NHERF4: variants seen among roughly 807,000 people sequenced by gnomAD.
NHERF4 encodes the protein NHERF family PDZ scaffold protein 4.
At chr11:119,190,051 GA>G in the NHERF4 span, 1 of 477,452 alleles carries the variant, frequency 2.1e-6, no homozygotes, top group African/African-American at 1.9e-5. This position sits in a 1 kb window ranked among gnomAD's most constrained non-coding sequence, Gnocchi z 4.2. Flanking sequence ...CTGCAGGAGA[GA>G]GGTTGAGACC....
At chr11:119,189,048 G>A in the NHERF4 span, 1 of 1,614,152 alleles carries the variant, frequency 6.2e-7, no homozygotes, top group Non-Finnish European at 8.5e-7. This position sits in a 1 kb window ranked among gnomAD's most constrained non-coding sequence, Gnocchi z 5.8. Flanking sequence ...CTGCAAGTGG[G>A]AGACGTGATT....
chr11:119,189,816 A>C, the NHERF4 span: 1 of 431,286 alleles, frequency 2.3e-6, no homozygotes, highest in East Asian at 4.2e-5. This position sits in a 1 kb window ranked among gnomAD's most constrained non-coding sequence, Gnocchi z 5.8. Context: ...TCTAGATATG[A>C]CTCCAGGACC....
the NHERF4 span, chr11:119,186,636 A>G: frequency 1.2e-6 from 2 of 1,612,894 alleles, no homozygotes; most frequent in Non-Finnish European, 1.7e-6. This position sits in a 1 kb window ranked among gnomAD's most constrained non-coding sequence, Gnocchi z 4.4. Flanking sequence ...TTCAGGAAGG[A>G]GACAGGATCC....
At chr11:119,187,517 G>T in the NHERF4 span, 1 of 1,613,184 alleles carries the variant, frequency 6.2e-7, no homozygotes. Context: ...CCCTGTTCAG[G>T]GCAGGCAGGA....
At chr11:119,189,763 T>C in the NHERF4 span, 4 of 540,436 alleles carry the variant, frequency 7.4e-6, no homozygotes, top group Non-Finnish European at 1.3e-5. The surrounding 1 kb of genome is among the most constrained non-coding windows in gnomAD (Gnocchi z 5.8). Context: ...AGGATGAAGG[T>C]GTGGCTGTGG....
the NHERF4 span, chr11:119,189,929 GA>G: frequency 3.0e-6 from 1 of 335,076 alleles, no homozygotes; most frequent in Admixed American, 4.3e-5. The surrounding 1 kb of genome is among the most constrained non-coding windows in gnomAD (Gnocchi z 5.8). Context: ...ATTTGTTATA[GA>G]AATGGCCATT....
chr11:119,189,877 G>A, the NHERF4 span: 1 of 349,804 alleles, frequency 2.9e-6, no homozygotes, highest in Non-Finnish European at 5.3e-6. This position sits in a 1 kb window ranked among gnomAD's most constrained non-coding sequence, Gnocchi z 5.8. Flanking sequence ...CCCTCTGTGG[G>A]TGCCTTAGCA....
the NHERF4 span, chr11:119,186,256 G>A: frequency 1.5e-5 from 24 of 1,613,312 alleles, no homozygotes; most frequent in Admixed American, 1.5e-4. This position sits in a 1 kb window ranked among gnomAD's most constrained non-coding sequence, Gnocchi z 4.4. Flanking sequence ...CCACTCACTC[G>A]GTCTCCCTCT....
chr11:119,187,982 C>A, the NHERF4 span: 1 of 1,574,878 alleles, frequency 6.3e-7, no homozygotes, highest in South Asian at 1.2e-5. Flanking sequence ...GGTGGCAGGG[C>A]CAGAGGTGGA....
chr11:119,186,248 A>C, the NHERF4 span: 1 of 1,613,292 alleles, frequency 6.2e-7, no homozygotes, highest in Non-Finnish European at 8.5e-7. This position sits in a 1 kb window ranked among gnomAD's most constrained non-coding sequence, Gnocchi z 4.4. Context: ...CTTGGTAACC[A>C]CTCACTCGGT....
chr11:119,187,850 C>T, the NHERF4 span: 20 of 1,467,200 alleles, frequency 1.4e-5, no homozygotes, highest in South Asian at 2.8e-4. Flanking sequence ...CCAGGCTCCA[C>T]TTAGTGCCTG....
At chr11:119,187,389 C>T in the NHERF4 span, 1 of 1,614,026 alleles carries the variant, frequency 6.2e-7, no homozygotes, top group Non-Finnish European at 8.5e-7. Flanking sequence ...CCACCCTAGG[C>T]CCAGGGGTCC....
At chr11:119,189,100 G>A in the NHERF4 span, 1 of 1,614,104 alleles carries the variant, frequency 6.2e-7, no homozygotes. This position sits in a 1 kb window ranked among gnomAD's most constrained non-coding sequence, Gnocchi z 5.8. Flanking sequence ...AGAATGACCT[G>A]GAGAGGCTTC....
At chr11:119,190,078 C>G in the NHERF4 span, 5 of 523,784 alleles carry the variant, frequency 9.5e-6, no homozygotes, top group Non-Finnish European at 1.3e-5. The surrounding 1 kb of genome is among the most constrained non-coding windows in gnomAD (Gnocchi z 4.2). Context: ...AAATTTATTT[C>G]CTATCAATCA....
At chr11:119,187,909 G>T in the NHERF4 span, 2 of 1,520,384 alleles carry the variant, frequency 1.3e-6, no homozygotes, top group Middle Eastern at 2.1e-4. Context: ...CTGCCCAGGT[G>T]TTATACTGAT....
At chr11:119,186,132 G>A in the NHERF4 span, 1 of 1,614,024 alleles carries the variant, frequency 6.2e-7, no homozygotes, top group Non-Finnish European at 8.5e-7. The surrounding 1 kb of genome is among the most constrained non-coding windows in gnomAD (Gnocchi z 4.4). Flanking sequence ...TGATAATCCT[G>A]TCCTCTCCCT....
At chr11:119,186,078 C>T in the NHERF4 span, 24 of 1,610,426 alleles carry the variant, frequency 1.5e-5, no homozygotes, top group East Asian at 5.4e-4. This position sits in a 1 kb window ranked among gnomAD's most constrained non-coding sequence, Gnocchi z 4.4. Context: ...CCTGCTTCCC[C>T]TGCCTCCTTG....
the NHERF4 span, chr11:119,187,251 C>A: frequency 1.3e-6 from 2 of 1,568,244 alleles, no homozygotes; most frequent in Non-Finnish European, 8.6e-7. Context: ...AAACCCACGC[C>A]CACGTGCCCT....
At chr11:119,188,529 A>C in the NHERF4 span, 1 of 1,599,542 alleles carries the variant, frequency 6.3e-7, no homozygotes, top group South Asian at 1.1e-5. Context: ...GTCGACCCTG[A>C]GGCGGACCGC....
Sources: allele counts gnomAD v4.1 joint callset, GRCh38; gene constraint gnomAD v4.1.1; non-coding constraint Gnocchi (gnomAD v3.1); transcripts MANE v1.5; gene names NCBI Gene and HGNC (gene_info 2026-07-23, HGNC 2026-07-21).